ADGRD1: variants seen among roughly 807,000 people sequenced by gnomAD.
ADGRD1 encodes adhesion G protein-coupled receptor D1, also known as G-protein coupled receptor 133.
In ADGRD1, 77 loss-of-function variants were observed where a neutral mutation model predicts 113.4. The observed-to-expected ratio is 0.68, with a 90% confidence interval of 0.57 to 0.82. The LOEUF is 0.82. Among genes scored for constraint, ADGRD1 ranks in the 40% least tolerant of loss-of-function variants. The pLI, the probability that ADGRD1 is intolerant of heterozygous loss-of-function variation, is 0.00. For missense variants in ADGRD1, 1,036 were observed against 1,139.1 expected, an observed-to-expected ratio of 0.91 and a Z score of 1.30; for synonymous variants, 474 against 475.0, an observed-to-expected ratio of 1.00 and a Z score of 0.03.
intron 18 of ADGRD1, among the ~76,000 whole-genome samples, chr12:131,117,777 G>C (rs2137398424): frequency 6.6e-6 from 1 of 152,348 alleles, no homozygotes; most frequent in East Asian, 1.9e-4. Context: ...AATGTGGACT[G>C]TGTGCATGGC....
At chr12:131,076,720 G>A (rs1282612230) in intron 13 of ADGRD1, 81 bp from the exon 14 acceptor site, 2 of 1,199,002 alleles carry the variant, frequency 1.7e-6, no homozygotes, top group Non-Finnish European at 2.5e-6. Flanking sequence ...CAGCTGTAAG[G>A]GTCTCGCTCT....
chr12:131,013,297 G>A (rs1011505012), intron 12 of ADGRD1, among the ~76,000 whole-genome samples: 3 of 152,174 alleles, frequency 2.0e-5, no homozygotes, highest in Admixed American at 2.0e-4. Context: ...GCAGAGGGCT[G>A]GCTTCAGGAG....
chr12:131,124,709 C>T (rs1407046103), intron 20 of ADGRD1, among the ~76,000 whole-genome samples: 1 of 149,002 alleles, frequency 6.7e-6, no homozygotes, highest in Non-Finnish European at 1.5e-5. Context: ...AACACACACA[C>T]TGCCCACCGC....
chr12:131,014,361 C>T, intron 13 of ADGRD1, 21 bp downstream of exon 13: 1 of 1,600,164 alleles, frequency 6.2e-7, no homozygotes, highest in Non-Finnish European at 8.5e-7. Flanking sequence ...GTGCCTTCAC[C>T]CTTGTCGCCG....
At chr12:131,088,907 G>A (rs1036177086) in intron 15 of ADGRD1, among the ~76,000 whole-genome samples, 18 of 152,142 alleles carry the variant, frequency 1.2e-4, no homozygotes, top group East Asian at 1.9e-4. Flanking sequence ...CTGACCAGAC[G>A]CCTGGGGTCT....
intron 13 of ADGRD1, among the ~76,000 whole-genome samples, chr12:131,048,614 C>T (rs187271231): frequency 2.6e-4 from 39 of 152,328 alleles, no homozygotes; most frequent in African/African-American, 7.5e-4. Flanking sequence ...TCCCAGCTGA[C>T]GTGCAGATCA....
At chr12:130,987,456 G>A in intron 6 of ADGRD1, 107 bp downstream of exon 6, 2 of 1,262,862 alleles carry the variant, frequency 1.6e-6, no homozygotes, top group Non-Finnish European at 1.1e-6. Context: ...CAGCACTGCA[G>A]GCGTGAGATG....
rs189271854 is a variant in ADGRD1, at chr12:131,051,241, G to A, written c.1474-25560G>A. Among the ~76,000 whole-genome samples the A allele has an allele frequency of 3.3e-5, 5 of 152,328 alleles. No individual in the cohort carries two copies. The East Asian group carries it at 9.7e-4, about 29-fold the overall frequency. On this transcript the variant is annotated intron_variant, in intron 13 of 24. Transcript: ENST00000261654. ...GTGCTTGTGGGAAGTTCAGGATTAT[G>A]CTGCCCCAGGAACGATTCCTTGTTT...
At chr12:131,092,729 G>T (rs1566102546) in intron 15 of ADGRD1, among the ~76,000 whole-genome samples, 1 of 152,156 alleles carries the variant, frequency 6.6e-6, no homozygotes, top group Non-Finnish European at 1.5e-5. Flanking sequence ...TGGTCACAGG[G>T]AAAAAGCATT....
intron 2 of ADGRD1, among the ~76,000 whole-genome samples, chr12:130,955,296 G>A (rs1314896498): frequency 6.6e-6 from 1 of 151,994 alleles, no homozygotes; most frequent in East Asian, 1.9e-4. Context: ...CTGGTGGGGA[G>A]TTGGAGCTCT....
chr12:131,085,576 T>C (rs1227344611), intron 15 of ADGRD1, among the ~76,000 whole-genome samples: 2 of 152,086 alleles, frequency 1.3e-5, no homozygotes, highest in Non-Finnish European at 2.9e-5. Context: ...TAGACGCTCA[T>C]GTAGGTGGAA....
In ADGRD1 at chr12:131,122,711, C is replaced by G. The variant is rs149089697; in HGVS notation, c.2175+1798C>G. On this transcript the variant is annotated intron_variant, in intron 20 of 24. Coordinates refer to ENST00000261654, the MANE Select transcript of ADGRD1 (RefSeq NM_198827.5). ...CCCTTTCTCTCTACTGACTTAAACC[C>G]TCTAGAACCGCAGGGCCTGGGCAGA... is the stretch of plus-strand genomic sequence containing the variant. Among the ~76,000 whole-genome samples the G allele has an allele frequency of 5.3e-5, 8 of 152,292 alleles. No individual in the cohort carries two copies. In the East Asian group the frequency reaches 1.4e-3, roughly 26 times the overall value.
Position 131,003,188 on chromosome 12 carries a change from A to G in ADGRD1, c.1030A>G (p.Ser344Gly), listed in dbSNP as rs776250054. The part of the protein sequence containing the change: ...LPGWIALSED[S>G]AVVLSLIDTI... Reference sequence around the variant, plus strand: ...CCTGGTGCTTGTGTTGCTGCAGGACAGCGCCGTGGTACTGAGTCTCATCGA... The same window carrying G: ...CCTGGTGCTTGTGTTGCTGCAGGACGGCGCCGTGGTACTGAGTCTCATCGA... The change falls in exon 10 of 25, where the codon AGC becomes GGC. Residue 344 changes from serine to glycine, a missense_variant. Ser to Gly is a moderately conservative substitution (Grantham distance 56). Transcript: ENST00000261654. This position sits in a 1 kb window ranked among gnomAD's most constrained non-coding sequence, Gnocchi z 4.8. 19 of 1,612,296 alleles carry G rather than the reference A, an allele frequency of 1.2e-5. No homozygotes were observed. Among genetic ancestry groups the G allele is most frequent in the Non-Finnish European group, 1.6e-5 (19 of 1,178,618 alleles).
At chr12:131,031,434 C>T (rs956135678) in intron 13 of ADGRD1, among the ~76,000 whole-genome samples, 1 of 152,108 alleles carries the variant, frequency 6.6e-6, no homozygotes, top group African/African-American at 2.4e-5. Flanking sequence ...GCTGGGATGA[C>T]CATTTACACA....
chr12:130,987,386 C>T (rs1336872420), intron 6 of ADGRD1, 37 bp downstream of exon 6: 3 of 1,610,800 alleles, frequency 1.9e-6, no homozygotes, highest in African/African-American at 2.7e-5. Flanking sequence ...GATCCGCTGT[C>T]TGTTCCCAGG....
At chr12:130,997,670 A>G (rs974458564) in intron 8 of ADGRD1, among the ~76,000 whole-genome samples, 4 of 147,510 alleles carry the variant, frequency 2.7e-5, no homozygotes, top group African/African-American at 1.0e-4. Flanking sequence ...GGCGCTCCTC[A>G]TTTCCTAGAC....
intron 8 of ADGRD1, 175 bp downstream of exon 8, chr12:130,992,567 G>A: frequency 3.5e-6 from 2 of 578,744 alleles, no homozygotes; most frequent in Non-Finnish European, 6.0e-6. Flanking sequence ...GGCCAGCTCT[G>A]TACAGCTCAG....
chr12:130,975,851 G>A (rs1176719754), intron 4 of ADGRD1, among the ~76,000 whole-genome samples: 4 of 152,086 alleles, frequency 2.6e-5, no homozygotes, highest in Non-Finnish European at 1.5e-5. Context: ...GAGTAACTTC[G>A]GCCCATTGCT....
At chr12:131,046,791 T>A (rs1208077749) in intron 13 of ADGRD1, among the ~76,000 whole-genome samples, 1 of 133,190 alleles carries the variant, frequency 7.5e-6, no homozygotes, top group Non-Finnish European at 1.6e-5. Context: ...GTGTCCTCCC[T>A]GGTCAGTGTC....
Sources: gnomAD v4.1 joint callset for allele counts (sites outside exome capture counted in the v4.1 genomes callset) on GRCh38, gnomAD v4.1.1 for gene constraint, Gnocchi (gnomAD v3.1) non-coding constraint, MANE v1.5 for transcripts, NCBI Gene and HGNC (gene_info 2026-07-23, HGNC 2026-07-21) for gene names.